KCNT2: variants seen among roughly 807,000 people sequenced by gnomAD.
KCNT2 encodes the protein potassium channel subfamily T member 2.
KCNT2 carries 67 observed loss-of-function variants against 153.8 expected under a neutral mutation model. That is an observed-to-expected ratio of 0.44 (90% CI 0.36 to 0.53). KCNT2 has a LOEUF of 0.53. Among genes scored for constraint, KCNT2 ranks in the 20% least tolerant of loss-of-function variants. The probability of loss-of-function intolerance (pLI) is 0.00; values close to 1 mark genes in which losing one functional copy is unlikely to be tolerated. For synonymous variants in KCNT2, 500 were observed against 458.8 expected, an observed-to-expected ratio of 1.09 and a Z score of -1.15; for missense variants, 975 against 1,354.8, an observed-to-expected ratio of 0.72 and a Z score of 4.40.
Position 196,551,103 on chromosome 1 carries a change from C to T in KCNT2, c.95+57112G>A, listed in dbSNP as rs539753746. Among the ~76,000 whole-genome samples, 11 of 151,880 alleles carry T rather than the reference C, an allele frequency of 7.2e-5. No individual in the cohort carries two copies. In the South Asian group the frequency reaches 2.3e-3, roughly 31 times the overall value. ...CTTTGCCTCCAGGAGATGAGTGAAG[C>T]TCAGAAGTTCCCTGGACTTGGCTCC... is the stretch of plus-strand genomic sequence containing the variant. On this transcript the variant is annotated intron_variant, in intron 1 of 27. Coordinates refer to ENST00000294725, the MANE Select transcript of KCNT2 (RefSeq NM_198503.5).
At chr1:196,389,301 C>CA (rs1670270948) in intron 13 of KCNT2, among the ~76,000 whole-genome samples, 1 of 151,712 alleles carries the variant, frequency 6.6e-6, no homozygotes, top group African/African-American at 2.4e-5. Flanking sequence ...TTTCTTTTCT[C>CA]ATGATGTCTT....
intron 4 of KCNT2, among the ~76,000 whole-genome samples, chr1:196,481,908 T>C (rs1679050961): frequency 1.3e-5 from 2 of 152,190 alleles, no homozygotes; most frequent in Admixed American, 6.5e-5. Context: ...ATTGTTTCAT[T>C]TGTTCATTCA....
rs1415046234 is a variant in KCNT2 at position 196,358,706 on chromosome 1, T to G, written c.1403+14434A>C. ...TGATTTTTTTAAACAAATCTATGTT[T>G]ACTAATGAGTGTAAGTAACACCCAA... is the stretch of plus-strand genomic sequence containing the variant. On this transcript the variant is annotated intron_variant, in intron 14 of 27. Coordinates refer to ENST00000294725, the MANE Select transcript of KCNT2 (RefSeq NM_198503.5). Among the ~76,000 whole-genome samples, 11 of 152,082 alleles carry G rather than the reference T, an allele frequency of 7.2e-5. No individual in the cohort carries two copies. In the East Asian group the frequency reaches 2.1e-3, roughly 29 times the overall value.
chr1:196,412,159 C>T (rs912181135), intron 12 of KCNT2, among the ~76,000 whole-genome samples: 5 of 151,664 alleles, frequency 3.3e-5, no homozygotes, highest in Non-Finnish European at 7.4e-5. Context: ...ACAATGCCTG[C>T]CTTTCCTAAC....
intron 18 of KCNT2, among the ~76,000 whole-genome samples, chr1:196,327,817 C>T (rs1428885684): frequency 1.3e-5 from 2 of 151,894 alleles, no homozygotes; most frequent in Non-Finnish European, 2.9e-5. Flanking sequence ...CAGGTGGGCA[C>T]CAGCATGCTC....
At chr1:196,373,356 A>G (rs541591332) in intron 13 of KCNT2, 108 bp from the exon 14 acceptor site, 146 of 624,938 alleles carry the variant, frequency 2.3e-4, no homozygotes, top group Middle Eastern at 4.5e-4. Context: ...ATATAAACAT[A>G]CTTGTTTTAG....
Position 196,503,117 on chromosome 1 carries a change from T to C in KCNT2, c.96-10776A>G, listed in dbSNP as rs1680834227. ...CAGAATTTAGGCCTGTAATAAATTA[T>C]CTTTGGTAAGGATTATGTATCCTTA... On this transcript the variant is annotated intron_variant, in intron 1 of 27. Transcript: ENST00000294725. Among the ~76,000 whole-genome samples the C allele has an allele frequency of 2.0e-5, 3 of 152,028 alleles. No individual in the cohort carries two copies. In the South Asian group the frequency reaches 6.2e-4, roughly 32 times the overall value.
At chr1:196,448,333 G>T (rs565697407) in intron 8 of KCNT2, among the ~76,000 whole-genome samples, 1 of 151,538 alleles carries the variant, frequency 6.6e-6, no homozygotes, top group African/African-American at 2.4e-5. Flanking sequence ...AATGCTATTT[G>T]CACATTATAA....
chr1:196,455,269 T>C (rs1169130572), intron 8 of KCNT2, among the ~76,000 whole-genome samples: 1 of 152,054 alleles, frequency 6.6e-6, no homozygotes, highest in Non-Finnish European at 1.5e-5. Flanking sequence ...CCATCTAATG[T>C]AACATATTCA....
At chr1:196,319,580 T>C in intron 19 of KCNT2, 25 bp from the exon 20 acceptor site, 2 of 1,491,536 alleles carry the variant, frequency 1.3e-6, no homozygotes, top group Non-Finnish European at 1.9e-6. Context: ...GGTTACAAAA[T>C]GAAACACAAT....
chr1:196,479,310 T>C (rs1392402586), intron 4 of KCNT2, 72 bp from the exon 5 acceptor site: 5 of 852,732 alleles, frequency 5.9e-6, no homozygotes, highest in African/African-American at 3.5e-5. Context: ...GCTATACTAC[T>C]AACTTTATTT....
At chr1:196,241,482 G>A (rs1455918225) in intron 26 of KCNT2, among the ~76,000 whole-genome samples, 1 of 151,980 alleles carries the variant, frequency 6.6e-6, no homozygotes, top group East Asian at 1.9e-4. Context: ...TATATTTGGA[G>A]GGTGTGAAAG....
chr1:196,563,794 A>T (rs1659744492), intron 1 of KCNT2, among the ~76,000 whole-genome samples: 1 of 151,988 alleles, frequency 6.6e-6, no homozygotes, highest in Non-Finnish European at 1.5e-5. Context: ...TACAGAAAAA[A>T]ATTTGAAAGA....
chr1:196,522,738 T>A (rs567849045), intron 1 of KCNT2, among the ~76,000 whole-genome samples: 8 of 152,266 alleles, frequency 5.3e-5, no homozygotes, highest in Non-Finnish European at 1.0e-4. Flanking sequence ...ATCAGCACTA[T>A]GTGTCTAGCT....
intron 1 of KCNT2, among the ~76,000 whole-genome samples, chr1:196,555,155 A>G (rs1286022835): frequency 6.6e-6 from 1 of 151,344 alleles, no homozygotes; most frequent in Non-Finnish European, 1.5e-5. Flanking sequence ...CAGAAAGGAG[A>G]AAGAAATAAA....
At chr1:196,595,745 A>G (rs1195933665) in intron 1 of KCNT2, among the ~76,000 whole-genome samples, 1 of 151,892 alleles carries the variant, frequency 6.6e-6, no homozygotes, top group Non-Finnish European at 1.5e-5. Flanking sequence ...TTATGTGGAT[A>G]AGTGTTTTAG....
chr1:196,323,893 CA>C (rs911908724), intron 19 of KCNT2, among the ~76,000 whole-genome samples: 31 of 150,966 alleles, frequency 2.1e-4, no homozygotes, highest in Non-Finnish European at 3.0e-4. Context: ...AAGAAAGCCT[CA>C]TTTTTTTTGT....
At chr1:196,255,291 A>C (rs969433783) in intron 26 of KCNT2, among the ~76,000 whole-genome samples, 2 of 151,824 alleles carry the variant, frequency 1.3e-5, no homozygotes, top group Admixed American at 6.6e-5. Context: ...GAAATACTTT[A>C]TTATCTTCAT....
intron 18 of KCNT2, 42 bp from the exon 19 acceptor site, chr1:196,326,931 T>C (rs751923354): frequency 7.1e-6 from 8 of 1,133,326 alleles, no homozygotes; most frequent in Non-Finnish European, 1.0e-5. Flanking sequence ...ATTTGGATAC[T>C]TCATTAAAAT....
Sources: gnomAD v4.1 joint callset for allele counts (sites outside exome capture counted in the v4.1 genomes callset) on GRCh38, gnomAD v4.1.1 for gene constraint, MANE v1.5 for transcripts, NCBI Gene and HGNC (gene_info 2026-07-23, HGNC 2026-07-21) for gene names.